Variants in GARNL3 observed in about 807,000 individuals in gnomAD.
GARNL3 encodes the protein GTPase activating Rap/RanGAP domain like 3, also known as GTPase-activating Rap/Ran-GAP domain-like protein 3.
GARNL3 carries 63 observed loss-of-function variants against 125.0 expected under a neutral mutation model. That is an observed-to-expected ratio of 0.50 (90% CI 0.41 to 0.62). GARNL3 has a LOEUF of 0.62. GARNL3 is among the 20% of genes least tolerant of loss of function. GARNL3 has a pLI of 0.00. For synonymous variants in GARNL3, 439 were observed against 457.5 expected (o/e 0.96, Z 0.52); for missense variants, 994 against 1,244.0 (o/e 0.80, Z 3.02).
intron 22 of GARNL3, among the ~76,000 whole-genome samples, chr9:127,382,719 C>T (rs908229592): frequency 3.3e-5 from 5 of 152,300 alleles, no homozygotes; most frequent in African/African-American, 1.2e-4. Flanking sequence ...GTCTGAACCA[C>T]GTGGACTTGT....
At chr9:127,356,668 G>A (rs754724582) in intron 20 of GARNL3, among the ~76,000 whole-genome samples, 12 of 152,150 alleles carry the variant, frequency 7.9e-5, no homozygotes, top group Non-Finnish European at 1.5e-4. Flanking sequence ...CTATTTTAAT[G>A]AAGATTTACA....
At chr9:127,248,122 T>C (rs1170219241) in intron 2 of GARNL3, among the ~76,000 whole-genome samples, 1 of 152,242 alleles carries the variant, frequency 6.6e-6, no homozygotes, top group Non-Finnish European at 1.5e-5. Context: ...TTAAAACAAG[T>C]GCCAGAAAGT....
intron 1 of GARNL3, among the ~76,000 whole-genome samples, chr9:127,273,576 G>T (rs184093654): frequency 3.3e-5 from 5 of 152,302 alleles, no homozygotes; most frequent in African/African-American, 1.2e-4. Context: ...GCCTGCCTTT[G>T]TTGGCCCCTC....
At chr9:127,330,756 C>T (rs377724673) in intron 7 of GARNL3, among the ~76,000 whole-genome samples, 86 of 152,248 alleles carry the variant, frequency 5.6e-4, no homozygotes, top group African/African-American at 2.0e-3. Flanking sequence ...CTGAAACCTA[C>T]GTGATGGGAG....
chr9:127,334,361 G>T (rs1829433061), intron 9 of GARNL3, among the ~76,000 whole-genome samples: 1 of 152,184 alleles, frequency 6.6e-6, no homozygotes, highest in Non-Finnish European at 1.5e-5. Context: ...TGGCCTAATA[G>T]TGATAGGCTT....
intron 15 of GARNL3, among the ~76,000 whole-genome samples, chr9:127,344,640 C>T (rs907551907): frequency 6.6e-6 from 1 of 152,148 alleles, no homozygotes; most frequent in Non-Finnish European, 1.5e-5. Context: ...TTGCCTGCCT[C>T]CTAGGAATTT....
chr9:127,265,084 C>T, intron 1 of GARNL3, 63 bp downstream of exon 1: 2 of 1,406,102 alleles, frequency 1.4e-6, no homozygotes, highest in South Asian at 1.4e-5. Context: ...GATTGCCAAG[C>T]TCATCAGATC....
At chr9:127,237,386 C>T (rs1217374397) in intron 1 of GARNL3, among the ~76,000 whole-genome samples, 1 of 152,204 alleles carries the variant, frequency 6.6e-6, no homozygotes, top group East Asian at 1.9e-4. Context: ...GCACCACTGA[C>T]TCAGTTCCAA....
chr9:127,293,728 C>T (rs538782189), intron 2 of GARNL3, among the ~76,000 whole-genome samples: 12 of 152,110 alleles, frequency 7.9e-5, no homozygotes, highest in Non-Finnish European at 1.2e-4. Flanking sequence ...TGTGCTTCTG[C>T]GTGTGCTAGG....
chr9:127,374,001 G>A (rs1373865728), intron 22 of GARNL3, among the ~76,000 whole-genome samples: 2 of 150,502 alleles, frequency 1.3e-5, no homozygotes, highest in Non-Finnish European at 3.0e-5. Flanking sequence ...GTGAGACTCC[G>A]TCTCAAAAAA....
chr9:127,334,749 G>A (rs1007403839), intron 9 of GARNL3, among the ~76,000 whole-genome samples: 1 of 152,192 alleles, frequency 6.6e-6, no homozygotes, highest in African/African-American at 2.4e-5. Context: ...AGGAACTGAG[G>A]CTCAGAGAGA....
At chr9:127,381,043 T>G (rs1001431520) in intron 22 of GARNL3, among the ~76,000 whole-genome samples, 8 of 152,302 alleles carry the variant, frequency 5.3e-5, no homozygotes, top group Middle Eastern at 6.8e-3. Flanking sequence ...CACGCCCAGC[T>G]GATTTTTGTA....
intron 1 of GARNL3, chr9:127,243,013 C>G (rs369141184): frequency 8.0e-7 from 1 of 1,253,322 alleles, no homozygotes; most frequent in African/African-American, 1.6e-5. Flanking sequence ...GAGGGTAAAG[C>G]AGGCCAGGGA....
chr9:127,258,310 T>C (rs1256264083), intron 2 of GARNL3, among the ~76,000 whole-genome samples: 1 of 152,122 alleles, frequency 6.6e-6, no homozygotes, highest in Admixed American at 6.5e-5. Context: ...GTCTCAAAGG[T>C]CTTCAAGAGG....
chr9:127,249,190 T>C (rs1048961630), intron 2 of GARNL3, among the ~76,000 whole-genome samples: 1 of 152,184 alleles, frequency 6.6e-6, no homozygotes, highest in African/African-American at 2.4e-5. Context: ...AGTGAAGATC[T>C]GAGCTAAAGT....
intron 1 of GARNL3, among the ~76,000 whole-genome samples, chr9:127,237,947 A>C (rs2063141361): frequency 6.6e-6 from 1 of 152,196 alleles, no homozygotes; most frequent in Non-Finnish European, 1.5e-5. Context: ...GCTCCTGTGC[A>C]CTTGTCACAG....
At chr9:127,261,495 C>G (rs2063591062), upstream of GARNL3, among the ~76,000 whole-genome samples, 1 of 147,960 alleles carries the variant, frequency 6.8e-6, no homozygotes, top group Non-Finnish European at 1.5e-5. Context: ...ACCGCAACCT[C>G]TGCCTCCCAG....
intron 22 of GARNL3, among the ~76,000 whole-genome samples, chr9:127,372,632 G>C (rs1370961092): frequency 2.6e-5 from 4 of 152,150 alleles, no homozygotes; most frequent in Admixed American, 1.3e-4. Context: ...ACACACTAAG[G>C]AACAACACAC....
At chr9:127,367,999 A>C (rs1373807247) in intron 22 of GARNL3, among the ~76,000 whole-genome samples, 3 of 146,826 alleles carry the variant, frequency 2.0e-5, no homozygotes, top group African/African-American at 2.5e-5. Flanking sequence ...TTTAACCTTC[A>C]TAGACTTTCT....
Sources: gnomAD v4.1 joint callset for allele counts (sites outside exome capture counted in the v4.1 genomes callset) on GRCh38, gnomAD v4.1.1 for gene constraint, MANE v1.5 for transcripts, NCBI Gene and HGNC (gene_info 2026-07-23, HGNC 2026-07-21) for gene names.